Variants in NTM observed in about 807,000 individuals in gnomAD.
The protein encoded by NTM is IgLON family member 2.
Under a neutral mutation model 42.1 loss-of-function variants are expected in NTM, and 13 were observed. That is an observed-to-expected ratio of 0.31 (90% CI 0.20 to 0.49). NTM has a LOEUF of 0.49. NTM is among the 20% of genes least tolerant of loss of function. The pLI is 0.99. For missense variants in NTM, 373 were observed against 452.8 expected, an observed-to-expected ratio of 0.82 and a Z score of 1.60; for synonymous variants, 187 against 179.2, an observed-to-expected ratio of 1.04 and a Z score of -0.35.
At chr11:131,900,700 C>T (rs951972166) in intron 1 of NTM, among the ~76,000 whole-genome samples, 1 of 151,758 alleles carries the variant, frequency 6.6e-6, no homozygotes, top group African/African-American at 2.4e-5. Flanking sequence ...TAATGAGGGG[C>T]AGTGATAAGA....
At chr11:131,710,037 G>A (rs1166108890) in intron 1 of NTM, among the ~76,000 whole-genome samples, 3 of 152,190 alleles carry the variant, frequency 2.0e-5, no homozygotes, top group Non-Finnish European at 4.4e-5. Flanking sequence ...CACTGGATTA[G>A]CAATGCAGAG....
At chr11:131,960,081 G>T (rs541136007) in intron 2 of NTM, among the ~76,000 whole-genome samples, 12 of 152,126 alleles carry the variant, frequency 7.9e-5, no homozygotes, top group Admixed American at 1.3e-4. Context: ...CAGGGCAAGG[G>T]TGTTATCTCC....
intron 2 of NTM, among the ~76,000 whole-genome samples, chr11:132,048,874 T>G (rs914801999): frequency 6.6e-6 from 1 of 151,482 alleles, no homozygotes; most frequent in African/African-American, 2.4e-5. Flanking sequence ...TACTCTTTCC[T>G]TCTGCACCTA....
chr11:131,749,261 G>A (rs952554611), intron 1 of NTM, among the ~76,000 whole-genome samples: 1 of 152,182 alleles, frequency 6.6e-6, no homozygotes, highest in African/African-American at 2.4e-5. Context: ...AAGAATGTGA[G>A]CTTGGACCGA....
chr11:132,087,600 T>C (rs543979465), intron 2 of NTM, among the ~76,000 whole-genome samples: 63 of 152,198 alleles, frequency 4.1e-4, no homozygotes, highest in African/African-American at 1.4e-3. Context: ...GGTATAACTG[T>C]GGAATAGGGT....
intron 2 of NTM, among the ~76,000 whole-genome samples, chr11:132,126,557 G>T (rs1458889889): frequency 1.3e-5 from 2 of 152,188 alleles, no homozygotes; most frequent in Admixed American, 6.5e-5. Context: ...GGAGGAGGGG[G>T]AGGAAGCAGC....
intron 1 of NTM, among the ~76,000 whole-genome samples, chr11:131,644,788 A>C (rs2134263888): frequency 6.6e-6 from 1 of 151,960 alleles, no homozygotes; most frequent in East Asian, 1.9e-4. Flanking sequence ...AATTTGGGTA[A>C]GAAGGGAATT....
At chr11:132,279,580 G>A (rs993927558) in intron 4 of NTM, among the ~76,000 whole-genome samples, 4 of 152,148 alleles carry the variant, frequency 2.6e-5, no homozygotes, top group African/African-American at 9.7e-5. Flanking sequence ...AAAACCATAT[G>A]TCTTCATGCC....
At chr11:131,686,543 G>A (rs1358322242) in intron 1 of NTM, among the ~76,000 whole-genome samples, 3 of 152,124 alleles carry the variant, frequency 2.0e-5, no homozygotes, top group African/African-American at 4.8e-5. Context: ...AAGGAGAATC[G>A]GTCCTGCTGT....
chr11:131,965,551 T>C (rs1302867040), intron 2 of NTM, among the ~76,000 whole-genome samples: 1 of 152,202 alleles, frequency 6.6e-6, no homozygotes, highest in Non-Finnish European at 1.5e-5. Context: ...TTTAGACTAA[T>C]TGTCAAATGA....
At chr11:132,140,670 C>T (rs1023632659) in intron 2 of NTM, among the ~76,000 whole-genome samples, 44 of 152,176 alleles carry the variant, frequency 2.9e-4, no homozygotes, top group Middle Eastern at 3.2e-3. Flanking sequence ...TCAGTGTCTT[C>T]GTGGGGAAGT....
At chr11:131,529,948 T>A (rs1048813394) in intron 1 of NTM, among the ~76,000 whole-genome samples, 1 of 152,130 alleles carries the variant, frequency 6.6e-6, no homozygotes, top group Non-Finnish European at 1.5e-5. Flanking sequence ...CCTCACACAC[T>A]ATTACAGAGT....
intron 4 of NTM, among the ~76,000 whole-genome samples, chr11:132,277,433 G>T (rs1390341398): frequency 2.1e-4 from 32 of 152,272 alleles, no homozygotes; most frequent in African/African-American, 7.2e-5. Context: ...AAAAAGAGAT[G>T]AAAGGTGGCA....
chr11:131,712,500 A>G (rs2077276804), intron 1 of NTM, among the ~76,000 whole-genome samples: 1 of 152,202 alleles, frequency 6.6e-6, no homozygotes, highest in African/African-American at 2.4e-5. Context: ...GTGAGCAGTT[A>G]CCCATAACTA....
intron 2 of NTM, among the ~76,000 whole-genome samples, chr11:131,929,123 G>T (rs2058295724): frequency 6.6e-6 from 1 of 152,210 alleles, no homozygotes; most frequent in Non-Finnish European, 1.5e-5. Context: ...AGTGCTGAAT[G>T]CTCTGAAGAG....
intron 3 of NTM, among the ~76,000 whole-genome samples, chr11:132,182,939 T>C (rs913015494): frequency 2.6e-5 from 4 of 152,184 alleles, no homozygotes; most frequent in African/African-American, 7.2e-5. Flanking sequence ...ACACTCTCCT[T>C]TGCTGCCTTG....
chr11:132,318,487 C>T (rs868659696), intron 7 of NTM, among the ~76,000 whole-genome samples: 2 of 152,170 alleles, frequency 1.3e-5, no homozygotes, highest in Non-Finnish European at 2.9e-5. Context: ...AGTCCCTTTA[C>T]ATCCTCTTCC....
rs183560152 is a variant in NTM, at chr11:131,562,289, A to T, written c.82+191401A>T. Among the ~76,000 whole-genome samples the T allele has an allele frequency of 2.2e-3, 341 of 152,322 alleles. 1 individual carries two copies. Among genetic ancestry groups the T allele is most frequent in the Middle Eastern group, 0.014 (4 of 294 alleles). ...AGAGTCTCTGGGCGATTCATCTTGC[A>T]GCAGATAAACTCTAGAAGCTACAGA... is the stretch of plus-strand genomic sequence containing the variant. On this transcript the variant is annotated intron_variant, in intron 1 of 8. Transcript: ENST00000683400.
chr11:132,129,261 G>A (rs75709703), intron 2 of NTM, among the ~76,000 whole-genome samples: 7,292 of 152,234 alleles, frequency 0.048, 270 homozygotes, highest in African/African-American at 0.097. Context: ...GCATACAGCT[G>A]TGTACGTATT....
Sources: allele counts gnomAD v4.1 joint callset (sites outside exome capture counted in the v4.1 genomes callset), GRCh38; gene constraint gnomAD v4.1.1; transcripts MANE v1.5; gene names NCBI Gene and HGNC (gene_info 2026-07-23, HGNC 2026-07-21).